The following HNRNPLL variants were observed in gnomAD, a reference collection of about 807,000 sequenced individuals.
HNRNPLL encodes the protein heterogeneous nuclear ribonucleoprotein L-like.
Under a neutral mutation model 67.1 loss-of-function variants are expected in HNRNPLL, and 25 were observed. The ratio of observed to expected loss-of-function variants is 0.37; its 90% CI spans 0.27 to 0.52. The LOEUF (loss-of-function observed/expected upper bound fraction) is 0.52, where lower values mean the gene tolerates loss of function less well. Ranked by LOEUF, HNRNPLL falls within the 20% of genes least tolerant of loss-of-function variation. The pLI, the probability that HNRNPLL is intolerant of heterozygous loss-of-function variation, is 0.90. For synonymous variants in HNRNPLL, 267 were observed against 241.7 expected, an observed-to-expected ratio of 1.10 and a Z score of -0.97; for missense variants, 542 against 673.9, an observed-to-expected ratio of 0.80 and a Z score of 2.17.
intron 1 of HNRNPLL, chr2:38,599,935 C>A (rs1178332013): frequency 6.4e-6 from 3 of 470,602 alleles, no homozygotes; most frequent in Non-Finnish European, 1.3e-5. Flanking sequence ...AAAGGTATTT[C>A]TTCTCTGGGC....
At chr2:38,595,315 A>G (rs1326073830) in intron 1 of HNRNPLL, among the ~76,000 whole-genome samples, 1 of 151,288 alleles carries the variant, frequency 6.6e-6, no homozygotes, top group Non-Finnish European at 1.5e-5. Flanking sequence ...AAAAAACACA[A>G]AACAATAAAT....
At position 38,563,730 on chromosome 2, in the gene HNRNPLL, T is replaced by TAATA. The variant is rs978627608; in HGVS notation, c.*448_*451dup. 6.5e-6 allele frequency: 1 copy of TAATA among 153,074 alleles called. No individual in the cohort carries two copies. Among genetic ancestry groups the TAATA allele is most frequent in the East Asian group, 1.9e-4 (1 of 5,222 alleles). The allele number at this position is 153,074 out of a possible 1,614,324, so 9.5% of individuals were successfully genotyped here. A position where few individuals can be genotyped will look rare whatever the true frequency, so the allele number is the denominator to read the frequency against. On this transcript the variant is annotated 3_prime_UTR_variant, in exon 13 of 13. Coordinates refer to ENST00000449105, the MANE Select transcript of HNRNPLL (RefSeq NM_138394.4). ...ACGTTATTCTCAAACTTCATTAAAA[T>TAATA]AATAAATATACAAGTTATGTTTAAT...
intron 1 of HNRNPLL, among the ~76,000 whole-genome samples, chr2:38,598,623 G>A (rs1667305941): frequency 6.6e-6 from 1 of 152,148 alleles, no homozygotes; most frequent in Non-Finnish European, 1.5e-5. Context: ...CCTGACATAT[G>A]GTAGAAGCTC....
chr2:38,593,685 C>T (rs1359870125), intron 1 of HNRNPLL, among the ~76,000 whole-genome samples: 1 of 151,908 alleles, frequency 6.6e-6, no homozygotes, highest in Non-Finnish European at 1.5e-5. Flanking sequence ...TCAGGAGTTC[C>T]AGACCAGCCT....
At chr2:38,592,688 C>T (rs913169219) in intron 1 of HNRNPLL, among the ~76,000 whole-genome samples, 10 of 152,174 alleles carry the variant, frequency 6.6e-5, no homozygotes, top group African/African-American at 1.9e-4. Context: ...ATGCAAATAG[C>T]TTTCATTTAC....
intron 7 of HNRNPLL, among the ~76,000 whole-genome samples, chr2:38,575,542 C>G (rs897876852): frequency 6.6e-6 from 1 of 151,818 alleles, no homozygotes; most frequent in African/African-American, 2.4e-5. Context: ...ATCATTAAGT[C>G]TGGGCTTCCC....
chr2:38,579,356 A>C (rs962913422), intron 6 of HNRNPLL, among the ~76,000 whole-genome samples: 1 of 152,054 alleles, frequency 6.6e-6, no homozygotes, highest in Admixed American at 6.6e-5. Flanking sequence ...ACATGTATAC[A>C]TATGTAACTA....
chr2:38,578,567 G>C (rs1666394979), intron 6 of HNRNPLL, among the ~76,000 whole-genome samples: 1 of 152,022 alleles, frequency 6.6e-6, no homozygotes, highest in African/African-American at 2.4e-5. Flanking sequence ...TTTCACTTCA[G>C]TCTAGAGAAG....
At position 38,562,587 on chromosome 2, in the gene HNRNPLL, T is replaced by A. The variant is rs1665709935; in HGVS notation, c.*1595A>T. Reference sequence around the variant, plus strand: ...GGGAAAAAAAGCTTTATTGTAAAGTTAGATAAACTTAGGTATTAAATTGGC... The same window carrying A: ...GGGAAAAAAAGCTTTATTGTAAAGTAAGATAAACTTAGGTATTAAATTGGC... On this transcript the variant is annotated 3_prime_UTR_variant, in exon 13 of 13. Transcript: ENST00000449105. 6.6e-6 allele frequency: 1 copy of A among 152,154 alleles called. No individual in the cohort carries two copies. Among genetic ancestry groups the A allele is most frequent in the African/African-American group, 2.4e-5 (1 of 41,444 alleles). 9.4% of individuals were successfully genotyped at this position (152,154 alleles called of 1,614,324 possible). A position where few individuals can be genotyped will look rare whatever the true frequency, so the allele number is the denominator to read the frequency against.
intron 6 of HNRNPLL, among the ~76,000 whole-genome samples, chr2:38,580,383 G>A (rs953307027): frequency 6.6e-6 from 1 of 152,192 alleles, no homozygotes; most frequent in South Asian, 2.1e-4. Context: ...TCATGCATAA[G>A]GCAAGATGAT....
intron 1 of HNRNPLL, among the ~76,000 whole-genome samples, chr2:38,598,698 G>C (rs142710047): frequency 3.6e-4 from 55 of 152,346 alleles, no homozygotes; most frequent in African/African-American, 1.3e-3. Flanking sequence ...GAAAAAGTTT[G>C]TAAGCAGAGC....
At chr2:38,573,882 A>G (rs1666195587) in intron 7 of HNRNPLL, among the ~76,000 whole-genome samples, 1 of 151,930 alleles carries the variant, frequency 6.6e-6, no homozygotes, top group African/African-American at 2.4e-5. Context: ...CTTCAGTTCC[A>G]CTGAAAAGTT....
At chr2:38,570,982 CTGAAGTAATCTA>C (rs1666055269) in intron 8 of HNRNPLL, among the ~76,000 whole-genome samples, 5 of 152,080 alleles carry the variant, frequency 3.3e-5, no homozygotes. Flanking sequence ...GAGCTAGAGG[CTGAAGTAATCTA>C]TGACGGTGCC....
At chr2:38,600,644 G>A (rs1275982773) in intron 1 of HNRNPLL, among the ~76,000 whole-genome samples, 1 of 151,760 alleles carries the variant, frequency 6.6e-6, no homozygotes. Flanking sequence ...GAGGTAGGAG[G>A]ATCGCTTGAG....
chr2:38,575,293 G>C (rs1666258297), intron 7 of HNRNPLL, among the ~76,000 whole-genome samples: 1 of 151,728 alleles, frequency 6.6e-6, no homozygotes, highest in African/African-American at 2.4e-5. Context: ...TAGAAAGTCT[G>C]GGTGTTTAAA....
At chr2:38,590,753 T>C (rs999027264) in intron 2 of HNRNPLL, among the ~76,000 whole-genome samples, 1 of 152,164 alleles carries the variant, frequency 6.6e-6, no homozygotes, top group Non-Finnish European at 1.5e-5. Context: ...GAGCCTATAA[T>C]CCCAGCACTT....
At chr2:38,588,783 T>C (rs1666840671) in intron 2 of HNRNPLL, among the ~76,000 whole-genome samples, 1 of 152,088 alleles carries the variant, frequency 6.6e-6, no homozygotes, top group Admixed American at 6.5e-5. Context: ...GGCTTGTGCC[T>C]ACAGTCCCAG....
intron 3 of HNRNPLL, among the ~76,000 whole-genome samples, chr2:38,584,186 G>C (rs977916475): frequency 6.6e-6 from 1 of 152,048 alleles, no homozygotes; most frequent in Non-Finnish European, 1.5e-5. Flanking sequence ...TCAGCCTCCC[G>C]AGTAGCTGAG....
At chr2:38,591,185 A>G (rs1666945946) in intron 2 of HNRNPLL, among the ~76,000 whole-genome samples, 1 of 152,232 alleles carries the variant, frequency 6.6e-6, no homozygotes, top group Non-Finnish European at 1.5e-5. Flanking sequence ...GAAACTCTGA[A>G]GATGAAGCAT....
Sources: allele counts gnomAD v4.1 joint callset (sites outside exome capture counted in the v4.1 genomes callset), GRCh38; gene constraint gnomAD v4.1.1; transcripts MANE v1.5; gene names NCBI Gene and HGNC (gene_info 2026-07-23, HGNC 2026-07-21).